SLC9A9: variants seen among roughly 807,000 people sequenced by gnomAD.
SLC9A9 encodes the protein solute carrier family 9 member A9, also known as sodium/hydrogen exchanger 9.
SLC9A9 carries 62 observed loss-of-function variants against 77.8 expected under a neutral mutation model. That is an observed-to-expected ratio of 0.80 (90% CI 0.65 to 0.98). SLC9A9 has a LOEUF of 0.98. SLC9A9 is among the 50% of genes least tolerant of loss of function. The probability of loss-of-function intolerance (pLI) is 0.00; values close to 1 mark genes in which losing one functional copy is unlikely to be tolerated. For missense variants in SLC9A9, 775 were observed against 774.9 expected (o/e 1.00, Z 0.00); for synonymous variants, 320 against 283.5 (o/e 1.13, Z -1.29).
At chr3:143,671,183 T>C (rs560065873) in intron 5 of SLC9A9, among the ~76,000 whole-genome samples, 4 of 152,222 alleles carry the variant, frequency 2.6e-5, no homozygotes, top group Non-Finnish European at 4.4e-5. Context: ...TACTCTCTAG[T>C]AGACGTATTC....
At chr3:143,507,174 A>G (rs2036036028) in intron 9 of SLC9A9, among the ~76,000 whole-genome samples, 1 of 151,824 alleles carries the variant, frequency 6.6e-6, no homozygotes, top group African/African-American at 2.4e-5. Context: ...CGACACATGT[A>G]CAGCCTCTCT....
At chr3:143,597,834 G>T (rs2037782480) in intron 6 of SLC9A9, among the ~76,000 whole-genome samples, 1 of 152,214 alleles carries the variant, frequency 6.6e-6, no homozygotes. Context: ...TGTAAGGAAG[G>T]TATGGCGCTA....
At chr3:143,831,812 T>C (rs1402127881) in intron 2 of SLC9A9, among the ~76,000 whole-genome samples, 1 of 151,850 alleles carries the variant, frequency 6.6e-6, no homozygotes, top group Non-Finnish European at 1.5e-5. Context: ...TCCTAACTTC[T>C]AGGAAAAAAA....
At chr3:143,501,115 G>T (rs1036217563) in intron 9 of SLC9A9, among the ~76,000 whole-genome samples, 2 of 150,084 alleles carry the variant, frequency 1.3e-5, no homozygotes, top group Non-Finnish European at 2.9e-5. Context: ...TTTTTCAATC[G>T]GGAAATTTTA....
intron 14 of SLC9A9, among the ~76,000 whole-genome samples, chr3:143,338,409 T>C (rs759494805): frequency 6.6e-6 from 1 of 152,168 alleles, no homozygotes; most frequent in African/African-American, 2.4e-5. Flanking sequence ...GTGTTATATT[T>C]AACAAACACC....
chr3:143,730,066 G>T (rs564409906), intron 4 of SLC9A9, among the ~76,000 whole-genome samples: 3 of 152,316 alleles, frequency 2.0e-5, no homozygotes, highest in Non-Finnish European at 4.4e-5. Flanking sequence ...ATAGCAGGTA[G>T]TTGTTTAAAT....
intron 4 of SLC9A9, among the ~76,000 whole-genome samples, chr3:143,785,845 CTTTTTTTTTT>C (rs57552730): frequency 0.011 from 1,240 of 113,004 alleles, 58 homozygotes; most frequent in African/African-American, 0.033. Context: ...TTGAATTTTT[CTTTTTTTTTT>C]TTTTTTTTTT....
intron 5 of SLC9A9, among the ~76,000 whole-genome samples, chr3:143,687,326 C>T (rs191235451): frequency 2.0e-5 from 3 of 152,094 alleles, no homozygotes; most frequent in African/African-American, 4.8e-5. Context: ...GGTTTCCTCT[C>T]GTAAATTAGT....
chr3:143,636,830 C>T (rs769085570), intron 6 of SLC9A9, among the ~76,000 whole-genome samples: 8 of 152,140 alleles, frequency 5.3e-5, no homozygotes, highest in Non-Finnish European at 1.2e-4. Context: ...CTAAAACCTA[C>T]AAACAAGCAG....
intron 12 of SLC9A9, among the ~76,000 whole-genome samples, chr3:143,454,677 G>A (rs1377353145): frequency 6.6e-6 from 1 of 152,160 alleles, no homozygotes; most frequent in Non-Finnish European, 1.5e-5. Context: ...ATATCACAAG[G>A]CTGAAATGAA....
intron 12 of SLC9A9, among the ~76,000 whole-genome samples, chr3:143,399,931 G>A (rs1010138767): frequency 1.2e-4 from 19 of 152,104 alleles, no homozygotes; most frequent in Non-Finnish European, 2.6e-4. Flanking sequence ...AGATATTGTG[G>A]TAGACATGAA....
rs545496079 is a variant in SLC9A9, at chr3:143,834,958, C to A, written c.176-2737G>T. ...GCTCTGGAATCCATCACCACTTTCA[C>A]ACTGAGGTCAGGCTCCCAGCCGATG... On this transcript the variant is annotated intron_variant, in intron 1 of 15. Transcript: ENST00000316549. Among the ~76,000 whole-genome samples the A allele has an allele frequency of 4.5e-4, 68 of 152,312 alleles. 1 individual carries two copies. Among genetic ancestry groups the A allele is most frequent in the Middle Eastern group, 6.8e-3 (2 of 294 alleles).
At chr3:143,489,265 GC>G (rs1207442680) in intron 11 of SLC9A9, among the ~76,000 whole-genome samples, 1 of 151,916 alleles carries the variant, frequency 6.6e-6, no homozygotes, top group African/African-American at 2.4e-5. Flanking sequence ...AACATCCTAT[GC>G]TTATGGATTA....
At chr3:143,777,871 C>A (rs1204658063) in intron 4 of SLC9A9, among the ~76,000 whole-genome samples, 2 of 151,652 alleles carry the variant, frequency 1.3e-5, no homozygotes, top group African/African-American at 4.8e-5. Context: ...CATGCCACCA[C>A]ACCTGGCTAA....
At chr3:143,317,563 C>T (rs991544696) in intron 14 of SLC9A9, among the ~76,000 whole-genome samples, 1 of 152,172 alleles carries the variant, frequency 6.6e-6, no homozygotes, top group African/African-American at 2.4e-5. Flanking sequence ...GTTTTTCTCC[C>T]CCAGAAGATG....
chr3:143,780,318 T>C (rs1440856434), intron 4 of SLC9A9, among the ~76,000 whole-genome samples: 1 of 151,988 alleles, frequency 6.6e-6, no homozygotes, highest in Non-Finnish European at 1.5e-5. Flanking sequence ...GACGTGGTGG[T>C]TAGTATTTGG....
intron 14 of SLC9A9, among the ~76,000 whole-genome samples, chr3:143,310,949 A>G (rs1430724439): frequency 6.6e-6 from 1 of 152,236 alleles, no homozygotes; most frequent in Non-Finnish European, 1.5e-5. Flanking sequence ...TGAAGTCCTC[A>G]GGCCTCTCAT....
chr3:143,636,489 G>A (rs771595178), intron 6 of SLC9A9, among the ~76,000 whole-genome samples: 1 of 151,998 alleles, frequency 6.6e-6, no homozygotes, highest in East Asian at 1.9e-4. Flanking sequence ...TATTTTTATA[G>A]ATTTAGGGGG....
At position 143,827,926 on chromosome 3, in the gene SLC9A9, A is replaced by T. The variant is rs182351942; in HGVS notation, c.378+4093T>A. Among the ~76,000 whole-genome samples, 14 of 152,084 alleles carry T rather than the reference A, an allele frequency of 9.2e-5. No homozygotes were observed. The East Asian group carries it at 2.7e-3, about 29-fold the overall frequency. ...TCTTCCTCAACTCTGACCTCCCTGC[A>T]CTCTTTCTAGCACTGGTCATCTCCT... On this transcript the variant is annotated intron_variant, in intron 2 of 15. Coordinates refer to ENST00000316549, the MANE Select transcript of SLC9A9 (RefSeq NM_173653.4).
Sources: gnomAD v4.1 joint callset for allele counts (sites outside exome capture counted in the v4.1 genomes callset) on GRCh38, gnomAD v4.1.1 for gene constraint, MANE v1.5 for transcripts, NCBI Gene and HGNC (gene_info 2026-07-23, HGNC 2026-07-21) for gene names.